The following SHROOM3 variants were observed in gnomAD, a reference collection of about 807,000 sequenced individuals.
SHROOM3 encodes the protein protein Shroom3.
In SHROOM3, 47 loss-of-function variants were observed where a neutral mutation model predicts 138.6. The ratio of observed to expected loss-of-function variants is 0.34; its 90% CI spans 0.27 to 0.43. The LOEUF is 0.43. Ranked by LOEUF, SHROOM3 falls within the 20% of genes least tolerant of loss-of-function variation. The pLI is 1.00. For synonymous variants in SHROOM3, 1,062 were observed against 1,063.3 expected, an observed-to-expected ratio of 1.00 and a Z score of 0.02; for missense variants, 2,491 against 2,596.5, an observed-to-expected ratio of 0.96 and a Z score of 0.88.
chr4:76,681,905 G>A (rs952048971), intron 2 of SHROOM3, among the ~76,000 whole-genome samples: 16 of 152,186 alleles, frequency 1.1e-4, no homozygotes, highest in African/African-American at 3.9e-4. Flanking sequence ...CAGGGACTCT[G>A]GGACTGAGTC....
intron 2 of SHROOM3, among the ~76,000 whole-genome samples, chr4:76,648,007 C>T (rs1735864443): frequency 6.6e-6 from 1 of 152,042 alleles, no homozygotes; most frequent in African/African-American, 2.4e-5. Context: ...ATCCATGATA[C>T]CATCTGTAAG....
At chr4:76,608,667 A>ATGG (rs1467053579) in intron 2 of SHROOM3, among the ~76,000 whole-genome samples, 3 of 47,998 alleles carry the variant, frequency 6.3e-5, no homozygotes, top group African/African-American at 1.6e-4. Context: ...ATAGCATAGC[A>ATGG]CAGCATAGCA....
At chr4:76,693,684 C>A (rs1023812256) in intron 2 of SHROOM3, among the ~76,000 whole-genome samples, 1 of 151,942 alleles carries the variant, frequency 6.6e-6, no homozygotes, top group Admixed American at 6.6e-5. Flanking sequence ...TGCACCTGGC[C>A]CTTGATGAGT....
intron 1 of SHROOM3, among the ~76,000 whole-genome samples, chr4:76,459,568 G>GA (rs1382373543): frequency 4.0e-5 from 6 of 151,316 alleles, no homozygotes; most frequent in East Asian, 3.9e-4. Flanking sequence ...AGTACACGGA[G>GA]AAAAAAAAAT....
chr4:76,621,893 G>A (rs976487210), intron 2 of SHROOM3, among the ~76,000 whole-genome samples: 17 of 148,448 alleles, frequency 1.1e-4, no homozygotes, highest in Non-Finnish European at 8.9e-5. Context: ...GCAATGACAC[G>A]ATCTCCGGCT....
chr4:76,740,912 GC>G lies in SHROOM3; in HGVS notation c.2743del (p.Leu915CysfsTer74). 1 of 1,500,984 alleles carries G rather than the reference GC, an allele frequency of 6.7e-7. No individual in the cohort carries two copies. Among genetic ancestry groups the G allele is most frequent in the Non-Finnish European group, 8.9e-7 (1 of 1,128,420 alleles). 93.0% of individuals were successfully genotyped at this position (1,500,984 alleles called of 1,614,324 possible). On this transcript the variant is annotated frameshift_variant, in exon 5 of 11. Coordinates refer to ENST00000296043, the MANE Select transcript of SHROOM3 (RefSeq NM_020859.4). LOFTEE classifies it high-confidence loss of function. This position sits in a 1 kb window ranked among gnomAD's most constrained non-coding sequence, Gnocchi z 4.0. ...GGGACAGGCCCGGCTCGCCCGAATC[GC>G]CCCTGCTGGATGCCCCCTTCAGCCG... is the stretch of plus-strand genomic sequence containing the variant. ...WRDRPGSPES[P>X]LLDAPFSRAY... is the part of the protein sequence containing the mutation.
At chr4:76,750,385 C>A (rs1045109547) in intron 6 of SHROOM3, among the ~76,000 whole-genome samples, 7 of 152,206 alleles carry the variant, frequency 4.6e-5, no homozygotes, top group African/African-American at 1.4e-4. Flanking sequence ...AGCTGAAGGC[C>A]ATTATCCTAA....
chr4:76,442,951 C>A (rs1023046207), intron 1 of SHROOM3, among the ~76,000 whole-genome samples: 1 of 152,118 alleles, frequency 6.6e-6, no homozygotes, highest in South Asian at 2.1e-4. Flanking sequence ...TTGTTAGAAG[C>A]TACCTAGGCC....
chr4:76,602,394 C>T lies in SHROOM3; in HGVS notation c.323+46631C>T, dbSNP rs375757259. Among the ~76,000 whole-genome samples the T allele has an allele frequency of 2.0e-4, 30 of 152,038 alleles. No homozygotes were observed. The East Asian group carries it at 2.7e-3, about 14-fold the overall frequency. Reference sequence around the variant, plus strand: ...CTTACAACATATAAAGTTAAGTCCACATTTTTCTATGCATTTGTCTATTGA... The same window carrying T: ...CTTACAACATATAAAGTTAAGTCCATATTTTTCTATGCATTTGTCTATTGA... On this transcript the variant is annotated intron_variant, in intron 2 of 10. Transcript: ENST00000296043.
intron 3 of SHROOM3, among the ~76,000 whole-genome samples, chr4:76,727,887 C>CAAAAAAAAAAAAAAAAAAAAAAAA (rs71212446): frequency 5.2e-5 from 5 of 96,242 alleles, no homozygotes; most frequent in Admixed American, 1.1e-4. Context: ...GACTCCATCT[C>CAAAAAAAAAAAAAAAAAAAAAAAA]AAAAAAAAAG....
At chr4:76,641,484 C>T (rs932886180) in intron 2 of SHROOM3, among the ~76,000 whole-genome samples, 1 of 152,094 alleles carries the variant, frequency 6.6e-6, no homozygotes, top group Admixed American at 6.6e-5. Flanking sequence ...TGTACTTTTA[C>T]CCAGATTGAA....
intron 2 of SHROOM3, among the ~76,000 whole-genome samples, chr4:76,640,749 C>A (rs995544230): frequency 6.6e-6 from 1 of 152,168 alleles, no homozygotes; most frequent in Non-Finnish European, 1.5e-5. Context: ...GCCCAAAAGC[C>A]GGATGATCTC....
chr4:76,714,862 A>T (rs992806956), intron 3 of SHROOM3, among the ~76,000 whole-genome samples: 15 of 152,160 alleles, frequency 9.9e-5, no homozygotes, highest in Non-Finnish European at 2.9e-5. Flanking sequence ...GTGGGTTATA[A>T]TTCAGTACTA....
At chr4:76,711,797 CTTGTA>C (rs903098334) in intron 3 of SHROOM3, among the ~76,000 whole-genome samples, 4 of 150,798 alleles carry the variant, frequency 2.7e-5, no homozygotes, top group African/African-American at 4.9e-5. Context: ...TAAAACAACA[CTTGTA>C]TTGGGGTGTT....
chr4:76,486,048 C>T (rs1731722812), intron 1 of SHROOM3, among the ~76,000 whole-genome samples: 1 of 151,980 alleles, frequency 6.6e-6, no homozygotes, highest in Non-Finnish European at 1.5e-5. Context: ...TTGGATAGGA[C>T]TAGTTGCTTC....
chr4:76,586,279 GTGTCTCAGCTC>G (rs1241090097), intron 2 of SHROOM3: 19 of 985,592 alleles, frequency 1.9e-5, no homozygotes, highest in Non-Finnish European at 2.2e-5. Context: ...TCAGACACCT[GTGTCTCAGCTC>G]TGTCTTCCTC....
At chr4:76,662,769 C>T (rs1718565369) in intron 2 of SHROOM3, among the ~76,000 whole-genome samples, 1 of 152,134 alleles carries the variant, frequency 6.6e-6, no homozygotes, top group Non-Finnish European at 1.5e-5. Context: ...GTGGTTCGAG[C>T]TACTTGAGAG....
At chr4:76,548,209 G>A (rs1733268352) in intron 1 of SHROOM3, among the ~76,000 whole-genome samples, 1 of 145,848 alleles carries the variant, frequency 6.9e-6, no homozygotes, top group African/African-American at 2.5e-5. Flanking sequence ...GCCGCTGGAA[G>A]GCCAGGGGCT....
chr4:76,657,564 T>A (rs768241838), intron 2 of SHROOM3, among the ~76,000 whole-genome samples: 3 of 152,224 alleles, frequency 2.0e-5, no homozygotes, highest in Non-Finnish European at 4.4e-5. Flanking sequence ...TTATAATTGC[T>A]TTCTTTTGGT....
Sources: allele counts gnomAD v4.1 joint callset (sites outside exome capture counted in the v4.1 genomes callset), GRCh38; gene constraint gnomAD v4.1.1; non-coding constraint Gnocchi (gnomAD v3.1); transcripts MANE v1.5; gene names NCBI Gene and HGNC (gene_info 2026-07-23, HGNC 2026-07-21).